LHFPL3: variants seen among roughly 807,000 people sequenced by gnomAD.
The protein encoded by LHFPL3 is LHFPL tetraspan subfamily member 3 protein.
In LHFPL3, 5 loss-of-function variants were observed where a neutral mutation model predicts 19.3. The ratio of observed to expected loss-of-function variants is 0.26; its 90% CI spans 0.14 to 0.54. The LOEUF (loss-of-function observed/expected upper bound fraction) is 0.54. Among genes scored for constraint, LHFPL3 ranks in the 20% least tolerant of loss-of-function variants. The pLI, the probability that LHFPL3 is intolerant of heterozygous loss-of-function variation, is 0.94. For synonymous variants in LHFPL3, 133 were observed against 126.2 expected (o/e 1.05, Z -0.36); for missense variants, 249 against 307.4 (o/e 0.81, Z 1.42).
chr7:104,725,180 G>GT (rs570479042), intron 1 of LHFPL3, among the ~76,000 whole-genome samples: 94 of 151,284 alleles, frequency 6.2e-4, no homozygotes, highest in Middle Eastern at 3.4e-3. Flanking sequence ...TTCTACCTCT[G>GT]TTTTTTTTTA....
At chr7:104,780,234 G>C (rs1417573805) in intron 2 of LHFPL3, among the ~76,000 whole-genome samples, 3 of 151,972 alleles carry the variant, frequency 2.0e-5, no homozygotes, top group African/African-American at 4.8e-5. Context: ...TCCCAGGAAC[G>C]AAGAAGCCTT....
intron 1 of LHFPL3, among the ~76,000 whole-genome samples, chr7:104,460,255 G>A (rs1422809635): frequency 1.3e-5 from 2 of 152,148 alleles, no homozygotes; most frequent in Non-Finnish European, 2.9e-5. Flanking sequence ...GACCGTTGAT[G>A]AGCATTTCAG....
chr7:104,600,474 G>T (rs1790942101), intron 1 of LHFPL3, among the ~76,000 whole-genome samples: 2 of 152,198 alleles, frequency 1.3e-5, no homozygotes, highest in Non-Finnish European at 2.9e-5. Flanking sequence ...GCTGTCACCA[G>T]AGCCACTGGG....
chr7:104,856,442 G>A (rs1032054674), intron 2 of LHFPL3, among the ~76,000 whole-genome samples: 19 of 151,840 alleles, frequency 1.3e-4, no homozygotes, highest in East Asian at 7.7e-4. Context: ...TAGAAACAGC[G>A]TTTCACCATG....
In LHFPL3 at chr7:104,907,629, T is replaced by C. The variant is rs1408416962; in HGVS notation, c.*1414T>C. Among the ~76,000 whole-genome samples, 3 of 152,342 alleles carry C rather than the reference T, an allele frequency of 2.0e-5. No homozygotes were observed. Among genetic ancestry groups the C allele is most frequent in the East Asian group, 3.9e-4 (2 of 5,190 alleles). Reference sequence around the variant, plus strand: ...AGGGTACTTAATGGAAGCCAAACCATGTTCTATACCTAAGGAGAAAACATG... The same window carrying C: ...AGGGTACTTAATGGAAGCCAAACCACGTTCTATACCTAAGGAGAAAACATG... On this transcript the variant is annotated 3_prime_UTR_variant, in exon 3 of 3. Coordinates refer to ENST00000424859, the MANE Select transcript of LHFPL3 (RefSeq NM_199000.3).
intron 1 of LHFPL3, among the ~76,000 whole-genome samples, chr7:104,469,427 T>G (rs576523087): frequency 1.2e-3 from 177 of 152,338 alleles, no homozygotes; most frequent in South Asian, 6.2e-3. Context: ...GGTGTCAAAC[T>G]GGACTTTATT....
intron 1 of LHFPL3, among the ~76,000 whole-genome samples, chr7:104,395,507 T>C (rs1438062177): frequency 6.6e-6 from 1 of 152,208 alleles, no homozygotes; most frequent in African/African-American, 2.4e-5. Context: ...TCTCCCAGAC[T>C]TTCTCCTCCA....
chr7:104,906,901 ATACTATTACTCC>A lies in LHFPL3; in HGVS notation c.*687_*698del, dbSNP rs947997488. The A allele has an allele frequency of 5.2e-5, 8 of 152,612 alleles. No homozygotes were observed. Among genetic ancestry groups the A allele is most frequent in the African/African-American group, 1.9e-4 (8 of 41,446 alleles). 9.5% of individuals were successfully genotyped at this position (152,612 alleles called of 1,614,324 possible). A position where few individuals can be genotyped will look rare whatever the true frequency, so the allele number is the denominator to read the frequency against. On this transcript the variant is annotated 3_prime_UTR_variant, in exon 3 of 3. Coordinates refer to ENST00000424859, the MANE Select transcript of LHFPL3 (RefSeq NM_199000.3). ...ATTACTGAGAAAGTGTTTATGCCAT[ATACTATTACTCC>A]ATCAAGCTGTATATTACAGGAAGTA...
intron 1 of LHFPL3, among the ~76,000 whole-genome samples, chr7:104,537,538 A>G (rs1253495186): frequency 1.3e-5 from 2 of 152,146 alleles, no homozygotes; most frequent in Non-Finnish European, 2.9e-5. Flanking sequence ...ACATGTGGTG[A>G]AGCAGAGTGA....
chr7:104,368,827 A>G (rs1023611222), intron 1 of LHFPL3, among the ~76,000 whole-genome samples: 3 of 152,224 alleles, frequency 2.0e-5, no homozygotes, highest in Admixed American at 6.5e-5. Flanking sequence ...AGCATCTACT[A>G]TATGCCAAAC....
chr7:104,544,953 T>C (rs1313982892), intron 1 of LHFPL3, among the ~76,000 whole-genome samples: 1 of 147,426 alleles, frequency 6.8e-6, no homozygotes, highest in Non-Finnish European at 1.5e-5. Context: ...GATTTTTGGA[T>C]TAGGTGCATT....
intron 1 of LHFPL3, among the ~76,000 whole-genome samples, chr7:104,527,694 G>C (rs1031805752): frequency 6.6e-6 from 1 of 152,104 alleles, no homozygotes; most frequent in East Asian, 1.9e-4. Context: ...AGTGAAGGAG[G>C]GGGAGGAAGC....
At chr7:104,689,149 T>C (rs1054897926) in intron 1 of LHFPL3, among the ~76,000 whole-genome samples, 16 of 152,192 alleles carry the variant, frequency 1.1e-4, no homozygotes, top group African/African-American at 3.6e-4. Context: ...CTGTGATTGC[T>C]CTTCTCTGTA....
At chr7:104,766,470 T>C (rs1794461048) in intron 2 of LHFPL3, among the ~76,000 whole-genome samples, 1 of 152,194 alleles carries the variant, frequency 6.6e-6, no homozygotes, top group East Asian at 1.9e-4. Context: ...ACTTTAAAAC[T>C]AAAATACTTA....
At chr7:104,684,637 G>A (rs550938709) in intron 1 of LHFPL3, among the ~76,000 whole-genome samples, 2 of 152,280 alleles carry the variant, frequency 1.3e-5, no homozygotes, top group African/African-American at 4.8e-5. Flanking sequence ...TTCTGCTCTG[G>A]TCTTCTGTCC....
chr7:104,693,516 C>T (rs908287399), intron 1 of LHFPL3, among the ~76,000 whole-genome samples: 9 of 152,062 alleles, frequency 5.9e-5, no homozygotes, highest in Non-Finnish European at 1.0e-4. Context: ...CCATGCTGTT[C>T]TCATGATAGT....
intron 1 of LHFPL3, among the ~76,000 whole-genome samples, chr7:104,510,077 T>C (rs1793780902): frequency 6.6e-6 from 1 of 151,156 alleles, no homozygotes; most frequent in African/African-American, 2.4e-5. Context: ...TGCTGATGAG[T>C]GAAATCTCAA....
intron 1 of LHFPL3, among the ~76,000 whole-genome samples, chr7:104,599,487 A>G (rs1790924010): frequency 2.6e-5 from 4 of 152,224 alleles, no homozygotes; most frequent in African/African-American, 9.6e-5. Flanking sequence ...TCCTCTGTTT[A>G]TGGGTAGAGC....
At chr7:104,814,761 G>A (rs1216163751) in intron 2 of LHFPL3, among the ~76,000 whole-genome samples, 1 of 152,252 alleles carries the variant, frequency 6.6e-6, no homozygotes, top group African/African-American at 2.4e-5. Flanking sequence ...AGATGCAGCA[G>A]GGTGCTGGCG....
Sources: gnomAD v4.1 joint callset for allele counts (sites outside exome capture counted in the v4.1 genomes callset) on GRCh38, gnomAD v4.1.1 for gene constraint, MANE v1.5 for transcripts, NCBI Gene and HGNC (gene_info 2026-07-23, HGNC 2026-07-21) for gene names.